The following LAMA2 variants were observed in gnomAD, a reference collection of about 807,000 sequenced individuals.
The protein encoded by LAMA2 is laminin subunit alpha-2.
Under a neutral mutation model 364.8 loss-of-function variants are expected in LAMA2, and 269 were observed. The observed-to-expected ratio is 0.74, with a 90% CI of 0.67 to 0.82. The LOEUF (loss-of-function observed/expected upper bound fraction) is 0.82, where lower values mean the gene tolerates loss of function less well. Ranked by LOEUF, LAMA2 falls within the 40% of genes least tolerant of loss-of-function variation. LAMA2 has a pLI of 0.00. For synonymous variants in LAMA2, 1,379 were observed against 1,370.6 expected (o/e 1.01, Z -0.14); for missense variants, 3,807 against 3,873.2 (o/e 0.98, Z 0.45).
chr6:129,288,626 T>C (rs928741498), intron 19 of LAMA2, among the ~76,000 whole-genome samples: 9 of 152,214 alleles, frequency 5.9e-5, no homozygotes, highest in African/African-American at 1.7e-4. Context: ...ATTTCTAGAA[T>C]GCTCTTTCAG....
rs1329039729 is a variant in LAMA2, at chr6:129,200,331, C to CATGTGTATATAT, written c.1782+7480_1782+7481insGTGTATATATAT. 6.2e-3 allele frequency among the ~76,000 whole-genome samples: 873 copies of CATGTGTATATAT among 141,398 alleles called. 110 individuals carry two copies. The highest frequency in any genetic ancestry group is 8.3e-3 in the Middle Eastern group (2 of 240). 92.8% of individuals were successfully genotyped at this position (141,398 alleles called of 152,430 possible). A position where few individuals can be genotyped will look rare whatever the true frequency, so the allele number is the denominator to read the frequency against. ...GTATATATATACGTGTACACATATA[C>CATGTGTATATAT]ATATACACGTATATGTGTACACATA... On this transcript the variant is annotated intron_variant, in intron 12 of 64. Transcript: ENST00000421865.
Position 129,079,335 on chromosome 6 carries a change from T to A in LAMA2, c.397-18838T>A, listed in dbSNP as rs114864267. Among the ~76,000 whole-genome samples the A allele has an allele frequency of 2.5e-3, 376 of 152,288 alleles. 1 individual carries two copies. Among genetic ancestry groups the A allele is most frequent in the African/African-American group, 8.7e-3 (360 of 41,564 alleles). On this transcript the variant is annotated intron_variant, in intron 3 of 64. Coordinates refer to ENST00000421865, the MANE Select transcript of LAMA2 (RefSeq NM_000426.4). ...TAAATTAAACTTCATCAAAGATGTG[T>A]GTGTATAGAAAAATACATTGTATAT... is the stretch of plus-strand genomic sequence containing the variant.
chr6:128,987,090 CT>C (rs1401607115), intron 1 of LAMA2, among the ~76,000 whole-genome samples: 1 of 133,642 alleles, frequency 7.5e-6, no homozygotes, highest in Non-Finnish European at 1.7e-5. Context: ...GTGCACGTGT[CT>C]TTTGCTTTTT....
chr6:129,041,254 T>C (rs1787072102), intron 1 of LAMA2, among the ~76,000 whole-genome samples: 1 of 152,218 alleles, frequency 6.6e-6, no homozygotes, highest in Non-Finnish European at 1.5e-5. Context: ...GAATTTCTCA[T>C]TGACTTGTGT....
intron 32 of LAMA2, among the ~76,000 whole-genome samples, chr6:129,355,187 T>C (rs1777085097): frequency 6.6e-6 from 1 of 152,166 alleles, no homozygotes; most frequent in Admixed American, 6.5e-5. Flanking sequence ...AATTATGCTG[T>C]ATAGATTTTC....
chr6:129,035,301 CT>C (rs546836712), intron 1 of LAMA2, among the ~76,000 whole-genome samples: 2,318 of 129,386 alleles, frequency 0.018, 57 homozygotes, highest in African/African-American at 0.058. Flanking sequence ...CTTTTCTTTT[CT>C]TTTTTTTTTT....
chr6:129,109,315 ACTT>A (rs1463123064), intron 4 of LAMA2, among the ~76,000 whole-genome samples: 4 of 152,254 alleles, frequency 2.6e-5, no homozygotes, highest in East Asian at 3.9e-4. Flanking sequence ...GTACTGCAGA[ACTT>A]CTCAAGCATT....
At chr6:129,314,122 C>T (rs1359245046) in intron 23 of LAMA2, among the ~76,000 whole-genome samples, 6 of 152,074 alleles carry the variant, frequency 3.9e-5, no homozygotes, top group Admixed American at 1.3e-4. Context: ...ATGTACAGGC[C>T]GGGCGTGGTG....
In LAMA2 at chr6:129,130,194, C is replaced by T. The variant is rs111951864; in HGVS notation, c.640-13707C>T. ...ATTTTCAGAAAAACCTGCAAACAAA[C>T]CCCACCACATACTAGCACTAGTCAT... On this transcript the variant is annotated intron_variant, in intron 4 of 64. Transcript: ENST00000421865. 9.7e-3 allele frequency among the ~76,000 whole-genome samples: 1,479 copies of T among 152,254 alleles called. 30 individuals carry two copies. The highest frequency in any genetic ancestry group is 0.034 in the African/African-American group (1,411 of 41,544).
chr6:129,018,972 A>G (rs983434692), intron 1 of LAMA2, among the ~76,000 whole-genome samples: 2 of 152,166 alleles, frequency 1.3e-5, no homozygotes, highest in Non-Finnish European at 2.9e-5. Flanking sequence ...ATTTCAAAAT[A>G]TTAGTTATTC....
chr6:129,403,556 A>G (rs1216458299), intron 39 of LAMA2, among the ~76,000 whole-genome samples: 1 of 152,236 alleles, frequency 6.6e-6, no homozygotes, highest in African/African-American at 2.4e-5. Flanking sequence ...CACCTGCTAG[A>G]GCACCTGGTT....
intron 40 of LAMA2, among the ~76,000 whole-genome samples, chr6:129,413,196 A>C (rs1212405026): frequency 6.6e-6 from 1 of 152,134 alleles, no homozygotes; most frequent in African/African-American, 2.4e-5. Flanking sequence ...TTTTTAAAAG[A>C]ATTATTAAGG....
intron 41 of LAMA2, among the ~76,000 whole-genome samples, chr6:129,433,720 A>C (rs1781707888): frequency 6.6e-6 from 1 of 152,202 alleles, no homozygotes; most frequent in South Asian, 2.1e-4. Flanking sequence ...ACATATGTTT[A>C]GGAAATATAA....
chr6:129,020,289 T>TG (rs1436535295), intron 1 of LAMA2, among the ~76,000 whole-genome samples: 1 of 152,164 alleles, frequency 6.6e-6, no homozygotes, highest in African/African-American at 2.4e-5. Context: ...ACAAGTATTC[T>TG]GGGGCCACAA....
chr6:129,386,790 G>A (rs1779041863), intron 35 of LAMA2, among the ~76,000 whole-genome samples: 1 of 152,068 alleles, frequency 6.6e-6, no homozygotes, highest in Non-Finnish European at 1.5e-5. Context: ...TGAAGATAAA[G>A]TAGCACACAT....
intron 51 of LAMA2, among the ~76,000 whole-genome samples, chr6:129,469,626 A>G (rs544653452): frequency 6.6e-6 from 1 of 152,036 alleles, no homozygotes; most frequent in South Asian, 2.1e-4. Context: ...TATTTTTTAT[A>G]GAAAGACTTG....
At chr6:129,373,759 A>G (rs1395468819) in intron 34 of LAMA2, among the ~76,000 whole-genome samples, 5 of 152,106 alleles carry the variant, frequency 3.3e-5, no homozygotes, top group African/African-American at 4.8e-5. Context: ...TATCTTTCTC[A>G]TGATTAGAAT....
intron 40 of LAMA2, among the ~76,000 whole-genome samples, chr6:129,406,354 A>G (rs575394978): frequency 1.0e-3 from 153 of 152,308 alleles, no homozygotes; most frequent in Non-Finnish European, 1.9e-3. Context: ...TTGCATAACT[A>G]ATTTCTTTAA....
chr6:128,962,782 G>A (rs1343517823), intron 1 of LAMA2, among the ~76,000 whole-genome samples: 2 of 152,228 alleles, frequency 1.3e-5, no homozygotes, highest in Non-Finnish European at 2.9e-5. Flanking sequence ...TCTTATGCAT[G>A]TATTTCTTTA....
Sources: allele counts gnomAD v4.1 joint callset (sites outside exome capture counted in the v4.1 genomes callset), GRCh38; gene constraint gnomAD v4.1.1; transcripts MANE v1.5; gene names NCBI Gene and HGNC (gene_info 2026-07-23, HGNC 2026-07-21).